Variants in PIGK observed in about 807,000 individuals in gnomAD.
PIGK encodes GPI-anchor transamidase.
PIGK carries 42 observed loss-of-function variants against 50.6 expected under a neutral mutation model. The ratio of observed to expected loss-of-function variants is 0.83; its 90% CI spans 0.65 to 1.07. The LOEUF (loss-of-function observed/expected upper bound fraction) is 1.07, where lower values mean the gene tolerates loss of function less well. Ranked by LOEUF, PIGK falls within the 50% of genes least tolerant of loss-of-function variation. PIGK has a pLI of 0.00. For synonymous variants in PIGK, 151 were observed against 156.0 expected, an observed-to-expected ratio of 0.97 and a Z score of 0.24; for missense variants, 448 against 488.7, an observed-to-expected ratio of 0.92 and a Z score of 0.78.
At chr1:77,123,665 A>C (rs1232837347) in intron 9 of PIGK, among the ~76,000 whole-genome samples, 1 of 152,098 alleles carries the variant, frequency 6.6e-6, no homozygotes, top group Non-Finnish European at 1.5e-5. Context: ...TGTTTAACAG[A>C]TAGAGGTTCC....
At chr1:77,178,076 G>T (rs1655527954) in intron 3 of PIGK, among the ~76,000 whole-genome samples, 1 of 152,104 alleles carries the variant, frequency 6.6e-6, no homozygotes, top group Non-Finnish European at 1.5e-5. Flanking sequence ...ATAAAAAGGG[G>T]GTCTCTTGTG....
intron 9 of PIGK, among the ~76,000 whole-genome samples, chr1:77,145,989 A>C (rs1654758286): frequency 6.6e-6 from 1 of 152,160 alleles, no homozygotes; most frequent in African/African-American, 2.4e-5. Flanking sequence ...AACTCATTGT[A>C]AATAAAAAAT....
In PIGK at chr1:77,219,386, CTGTCGG is replaced by C. The variant is rs751084629; in HGVS notation, c.11_16del (p.Thr4_Asp5del). 1 of 1,613,616 alleles carries C rather than the reference CTGTCGG, an allele frequency of 6.2e-7. No homozygotes were observed. The highest frequency in any genetic ancestry group is 1.3e-5 in the African/African-American group (1 of 75,038). On this transcript the variant is annotated inframe_deletion, in exon 1 of 11. Transcript: ENST00000370812. ...CAAGACAGTCGCAGCCCGGCTGAGG[CTGTCGG>C]TGACGGCCATGTTTACCGGCTTCAG...
chr1:77,110,658 T>C (rs187050463), intron 10 of PIGK, among the ~76,000 whole-genome samples: 29 of 152,260 alleles, frequency 1.9e-4, no homozygotes, highest in African/African-American at 7.0e-4. Flanking sequence ...ATAAAAACCA[T>C]AGAAGAAAAC....
At chr1:77,133,404 A>C (rs1055924614) in intron 9 of PIGK, among the ~76,000 whole-genome samples, 1 of 151,908 alleles carries the variant, frequency 6.6e-6, no homozygotes, top group African/African-American at 2.4e-5. Context: ...TATTTTTCCT[A>C]TTTTCTTGAA....
chr1:77,167,212 A>G (rs1655255146), intron 4 of PIGK, among the ~76,000 whole-genome samples: 1 of 152,108 alleles, frequency 6.6e-6, no homozygotes, highest in African/African-American at 2.4e-5. Flanking sequence ...ATAGCCAGGT[A>G]TGGTAACATG....
intron 10 of PIGK, among the ~76,000 whole-genome samples, chr1:77,117,288 T>C (rs1169339436): frequency 6.6e-6 from 1 of 152,210 alleles, no homozygotes; most frequent in Non-Finnish European, 1.5e-5. Context: ...TGACAAAGGA[T>C]GAATAAGAAA....
intron 8 of PIGK, among the ~76,000 whole-genome samples, chr1:77,159,070 T>G (rs540582584): frequency 5.3e-5 from 8 of 152,112 alleles, no homozygotes; most frequent in Admixed American, 1.3e-4. Flanking sequence ...ATAAAATGAT[T>G]TTGTGGGCTG....
rs769184682 is a variant in PIGK at position 77,090,594 on chromosome 1, C to CAAACT, written c.*1775_*1779dup. The stretch of plus-strand genomic sequence containing the variant: ...TTTACAGGGTATGTTTCATTATATT[C>CAAACT]AAACTAAATTACTTTGGCTCAAGAA... On this transcript the variant is annotated 3_prime_UTR_variant, in exon 11 of 11. Transcript: ENST00000370812. 2 of 152,218 alleles carry CAAACT rather than the reference C, an allele frequency of 1.3e-5. No homozygotes were observed. The highest frequency in any genetic ancestry group is 2.9e-5 in the Non-Finnish European group (2 of 68,044). 9.4% of individuals were successfully genotyped at this position (152,218 alleles called of 1,614,324 possible). A position where few individuals can be genotyped will look rare whatever the true frequency, so the allele number is the denominator to read the frequency against.
intron 10 of PIGK, among the ~76,000 whole-genome samples, chr1:77,105,164 G>A (rs998332960): frequency 1.3e-5 from 2 of 152,026 alleles, no homozygotes; most frequent in African/African-American, 2.4e-5. Flanking sequence ...GACAGAAATG[G>A]CATGTCATCT....
intron 9 of PIGK, among the ~76,000 whole-genome samples, chr1:77,135,854 A>G (rs1006993357): frequency 6.6e-6 from 1 of 151,946 alleles, no homozygotes; most frequent in Non-Finnish European, 1.5e-5. Flanking sequence ...CTCTTACACA[A>G]TGTTGTTATT....
chr1:77,181,701 C>T (rs1256846108), intron 3 of PIGK, among the ~76,000 whole-genome samples: 4 of 152,104 alleles, frequency 2.6e-5, no homozygotes, highest in Non-Finnish European at 4.4e-5. Flanking sequence ...TGGGTTTCTG[C>T]CTCATAGGTG....
intron 10 of PIGK, among the ~76,000 whole-genome samples, chr1:77,100,380 T>A (rs576176356): frequency 3.3e-5 from 5 of 152,322 alleles, no homozygotes; most frequent in African/African-American, 1.2e-4. Flanking sequence ...ATCCTTTATA[T>A]AAAATGCAAT....
Position 77,092,238 on chromosome 1 carries a change from AAT to A in PIGK, c.*134_*135del, listed in dbSNP as rs1653316823. 1 of 497,990 alleles carries A rather than the reference AAT, an allele frequency of 2.0e-6. No individual in the cohort carries two copies. The highest frequency in any genetic ancestry group is 3.6e-5 in the East Asian group (1 of 27,664). 30.8% of individuals were successfully genotyped at this position (497,990 alleles called of 1,614,324 possible). ...TTATTTTTCTTTAAGTTATAAAATTAATAGTTGATTCAAATTTAGTTTCCTTA... is the reference window on the plus strand; with the variant it reads ...TTATTTTTCTTTAAGTTATAAAATTAAGTTGATTCAAATTTAGTTTCCTTA... On this transcript the variant is annotated 3_prime_UTR_variant, in exon 11 of 11. Coordinates refer to ENST00000370812, the MANE Select transcript of PIGK (RefSeq NM_005482.3).
rs572686856 is a variant in PIGK at position 77,109,138 on chromosome 1, G to C, written c.1071+13137C>G. Reference sequence around the variant, plus strand: ...ACTAATAGCTTACCAACCAAAAAAAGTCCAGGACCAGATGGATTCACAGCC... The same window carrying C: ...ACTAATAGCTTACCAACCAAAAAAACTCCAGGACCAGATGGATTCACAGCC... On this transcript the variant is annotated intron_variant, in intron 10 of 10. Transcript: ENST00000370812. Among the ~76,000 whole-genome samples the C allele has an allele frequency of 2.6e-5, 4 of 152,250 alleles. No individual in the cohort carries two copies. In the South Asian group the frequency reaches 6.2e-4, roughly 24 times the overall value.
intron 10 of PIGK, among the ~76,000 whole-genome samples, chr1:77,097,142 G>A (rs548672139): frequency 1.3e-5 from 2 of 151,962 alleles, no homozygotes; most frequent in Non-Finnish European, 2.9e-5. Context: ...GGAAAGCTTC[G>A]GGTTTTTCTA....
intron 9 of PIGK, among the ~76,000 whole-genome samples, chr1:77,130,215 G>A (rs1486060144): frequency 1.9e-5 from 1 of 51,532 alleles, no homozygotes; most frequent in Admixed American, 2.9e-4. Flanking sequence ...TGCTATATAT[G>A]ATATTCTATT....
intron 9 of PIGK, among the ~76,000 whole-genome samples, chr1:77,146,692 G>GAGGCTA (rs1654776396): frequency 6.6e-6 from 1 of 152,134 alleles, no homozygotes; most frequent in African/African-American, 2.4e-5. Context: ...AGCTACTCAG[G>GAGGCTA]AGGCTAAGGC....
intron 2 of PIGK, among the ~76,000 whole-genome samples, chr1:77,208,839 T>G (rs1656352172): frequency 6.6e-6 from 1 of 152,204 alleles, no homozygotes; most frequent in Admixed American, 6.5e-5. Context: ...TATAGGAACC[T>G]ATAGATAATT....
Sources: gnomAD v4.1 joint callset for allele counts (sites outside exome capture counted in the v4.1 genomes callset) on GRCh38, gnomAD v4.1.1 for gene constraint, MANE v1.5 for transcripts, NCBI Gene and HGNC (gene_info 2026-07-23, HGNC 2026-07-21) for gene names.